UMAD1: variants seen among roughly 807,000 people sequenced by gnomAD.
UMAD1 encodes the protein UBAP1-MVB12-associated (UMA)-domain containing protein 1.
A neutral mutation model predicts 6.1 loss-of-function variants in UMAD1; 8 were observed. The ratio of observed to expected loss-of-function variants is 1.30; its 90% CI spans 0.76 to 2.35. The LOEUF (loss-of-function observed/expected upper bound fraction) is 2.35. UMAD1 is among the 30% of genes most tolerant of loss of function. The pLI is 0.00. For missense variants in UMAD1, 130 were observed against 78.4 expected (o/e 1.66, Z -2.49); for synonymous variants, 56 against 31.4 (o/e 1.78, Z -2.61).
intron 2 of UMAD1, among the ~76,000 whole-genome samples, chr7:7,795,182 C>G (rs183812910): frequency 6.6e-6 from 1 of 152,356 alleles, no homozygotes; most frequent in East Asian, 1.9e-4. Flanking sequence ...CTGACCGTCT[C>G]AGGCACACTT....
chr7:7,714,475 T>A (rs551199721), intron 2 of UMAD1, among the ~76,000 whole-genome samples: 24 of 152,380 alleles, frequency 1.6e-4, no homozygotes, highest in Admixed American at 5.2e-4. Flanking sequence ...TACGAAACTT[T>A]GTTAAATGCT....
intron 3 of UMAD1, among the ~76,000 whole-genome samples, chr7:7,832,938 G>A (rs140945868): frequency 1.6e-3 from 238 of 152,252 alleles, no homozygotes; most frequent in African/African-American, 5.5e-3. Context: ...AGGGGGGAAC[G>A]TTTGATGGAA....
At chr7:7,770,761 A>T (rs1201522217) in intron 2 of UMAD1, among the ~76,000 whole-genome samples, 1 of 152,188 alleles carries the variant, frequency 6.6e-6, no homozygotes, top group Non-Finnish European at 1.5e-5. Flanking sequence ...ATAATAAAAA[A>T]AATGAGGAGC....
intron 2 of UMAD1, among the ~76,000 whole-genome samples, chr7:7,747,529 C>T (rs775547982): frequency 4.6e-5 from 7 of 152,134 alleles, no homozygotes; most frequent in African/African-American, 1.4e-4. Flanking sequence ...AGTCAGAAAG[C>T]GTCAAATCTT....
At chr7:7,779,850 C>T (rs1782308580) in intron 2 of UMAD1, among the ~76,000 whole-genome samples, 1 of 152,042 alleles carries the variant, frequency 6.6e-6, no homozygotes, top group Non-Finnish European at 1.5e-5. Context: ...TACCATGTTG[C>T]CCAGGCTGGT....
intron 3 of UMAD1, among the ~76,000 whole-genome samples, chr7:7,829,489 G>C (rs1783418506): frequency 6.6e-6 from 1 of 151,632 alleles, no homozygotes; most frequent in Non-Finnish European, 1.5e-5. Context: ...TGGATAAAAA[G>C]TTAAAGCCCA....
intron 1 of UMAD1, among the ~76,000 whole-genome samples, chr7:7,667,911 C>T (rs1375568836): frequency 1.3e-5 from 2 of 152,060 alleles, no homozygotes; most frequent in Non-Finnish European, 2.9e-5. Context: ...CAATACTTAA[C>T]CTAGTTTTTC....
At chr7:7,669,697 G>T (rs1341180416) in intron 1 of UMAD1, among the ~76,000 whole-genome samples, 1 of 152,220 alleles carries the variant, frequency 6.6e-6, no homozygotes, top group African/African-American at 2.4e-5. Flanking sequence ...TCTTGAGGTG[G>T]ACTGTAGTAG....
chr7:7,825,360 T>A (rs1169702983), intron 3 of UMAD1, among the ~76,000 whole-genome samples: 1 of 152,178 alleles, frequency 6.6e-6, no homozygotes, highest in African/African-American at 2.4e-5. Context: ...TCCATTTTCA[T>A]GCTGCTGATA....
chr7:7,864,647 A>G (rs983701685), intron 3 of UMAD1, among the ~76,000 whole-genome samples: 3 of 130,730 alleles, frequency 2.3e-5, no homozygotes, highest in African/African-American at 8.9e-5. Flanking sequence ...ACACACACAC[A>G]CACAGTGGCG....
chr7:7,648,138 G>A (rs1438940043), intron 1 of UMAD1, among the ~76,000 whole-genome samples: 2 of 152,184 alleles, frequency 1.3e-5, no homozygotes, highest in Non-Finnish European at 1.5e-5. Flanking sequence ...GGCTCCAGTG[G>A]CCTCCTTCTT....
chr7:7,721,107 TAGGAAGAGGCAAGGA>T (rs1208834721), intron 2 of UMAD1, among the ~76,000 whole-genome samples: 1 of 152,050 alleles, frequency 6.6e-6, no homozygotes, highest in Non-Finnish European at 1.5e-5. Flanking sequence ...CCACCAGAGC[TAGGAAGAGGCAAGGA>T]AGGATTCTGC....
At position 7,683,739 on chromosome 7, in the gene UMAD1, C is replaced by T. The variant is rs564238462; in HGVS notation, c.82+10286C>T. Among the ~76,000 whole-genome samples, 9 of 152,212 alleles carry T rather than the reference C, an allele frequency of 5.9e-5. No homozygotes were observed. The South Asian group carries it at 1.9e-3, about 32-fold the overall frequency. On this transcript the variant is annotated intron_variant, in intron 2 of 3. Transcript: ENST00000682710. ...CTGGGTTCAAGTGATTCTCCTGCCT[C>T]AGCCTCCCAAGTAGCTGGGATTACA...
intron 3 of UMAD1, among the ~76,000 whole-genome samples, chr7:7,814,047 G>C (rs1241849116): frequency 2.0e-5 from 3 of 151,808 alleles, no homozygotes; most frequent in African/African-American, 7.3e-5. Context: ...ACAGTGGCGT[G>C]ATCTCGGCTC....
At position 7,830,456 on chromosome 7, in the gene UMAD1, A is replaced by G. The variant is rs958237779; in HGVS notation, c.156+28713A>G. ...ATTTTTTACCTCTATTAGGTAAAAA[A>G]TTATATGTTTTGGTTTCTCTCTTTT... is the stretch of plus-strand genomic sequence containing the variant. On this transcript the variant is annotated intron_variant, in intron 3 of 3. Coordinates refer to ENST00000682710, the MANE Select transcript of UMAD1 (RefSeq NM_001302348.2). The surrounding 1 kb of genome is among the most constrained non-coding windows in gnomAD (Gnocchi z 5.3). Among the ~76,000 whole-genome samples, 3 of 152,032 alleles carry G rather than the reference A, an allele frequency of 2.0e-5. No homozygotes were observed. The highest frequency in any genetic ancestry group is 2.1e-4 in the South Asian group (1 of 4,832).
chr7:7,819,353 G>A (rs1351340134), intron 3 of UMAD1, among the ~76,000 whole-genome samples: 1 of 152,154 alleles, frequency 6.6e-6, no homozygotes, highest in East Asian at 1.9e-4. Context: ...ATAACATTCA[G>A]CAGTTGTTTA....
At chr7:7,845,555 T>C (rs1163332921) in intron 3 of UMAD1, among the ~76,000 whole-genome samples, 1 of 152,150 alleles carries the variant, frequency 6.6e-6, no homozygotes, top group East Asian at 1.9e-4. Context: ...ACTTTTATTA[T>C]AAGAGGAAAT....
chr7:7,648,555 A>G (rs1444915367), intron 1 of UMAD1, among the ~76,000 whole-genome samples: 1 of 152,196 alleles, frequency 6.6e-6, no homozygotes, highest in Non-Finnish European at 1.5e-5. Flanking sequence ...GGTAATTTAT[A>G]AAGAAAATAA....
chr7:7,675,266 A>C (rs1779711091), intron 2 of UMAD1, among the ~76,000 whole-genome samples: 1 of 152,222 alleles, frequency 6.6e-6, no homozygotes, highest in Admixed American at 6.5e-5. Flanking sequence ...CTTTGAAAGC[A>C]CATAGAATTC....
Sources: allele counts gnomAD v4.1 joint callset (sites outside exome capture counted in the v4.1 genomes callset), GRCh38; gene constraint gnomAD v4.1.1; non-coding constraint Gnocchi (gnomAD v3.1); transcripts MANE v1.5; gene names NCBI Gene and HGNC (gene_info 2026-07-23, HGNC 2026-07-21).